Variants in MYO1H observed in about 807,000 individuals in gnomAD.
MYO1H encodes the protein myosin IH, also known as unconventional myosin-Ih.
In MYO1H, 118 loss-of-function variants were observed where a neutral mutation model predicts 149.3. That is an observed-to-expected ratio of 0.79 (90% CI 0.68 to 0.92). The LOEUF (loss-of-function observed/expected upper bound fraction) is 0.92, where lower values mean the gene tolerates loss of function less well. Ranked by LOEUF, MYO1H falls within the 40% of genes least tolerant of loss-of-function variation. MYO1H has a pLI of 0.00. For synonymous variants in MYO1H, 447 were observed against 465.2 expected, an observed-to-expected ratio of 0.96 and a Z score of 0.50; for missense variants, 1,212 against 1,280.7, an observed-to-expected ratio of 0.95 and a Z score of 0.82.
chr12:109,444,203 C>A lies in MYO1H; in HGVS notation c.2825-10C>A. 6.2e-7 allele frequency: 1 copy of A among 1,610,460 alleles called. No individual in the cohort carries two copies. The highest frequency in any genetic ancestry group is 8.5e-7 in the Non-Finnish European group (1 of 1,176,686). ...TAGTTCTTGGCTCCTAACTCTGGAT[C>A]TGTCTTAAGGTGTCTCCACTAGCAA... is the stretch of plus-strand genomic sequence containing the variant. On this transcript the variant is annotated splice_polypyrimidine_tract_variant and intron_variant, in intron 28 of 31. Coordinates refer to ENST00000310903, the Ensembl canonical transcript of MYO1H.
intron 1 of MYO1H, among the ~76,000 whole-genome samples, chr12:109,358,475 C>T (rs1868658808): frequency 6.6e-6 from 1 of 152,192 alleles, no homozygotes; most frequent in Non-Finnish European, 1.5e-5. Flanking sequence ...GGGCTTCTCA[C>T]CTACTTAGCT....
chr12:109,316,357 G>A, the MYO1H span, among the ~76,000 whole-genome samples: 1 of 152,128 alleles, frequency 6.6e-6, no homozygotes. Flanking sequence ...TGTGTGTTCG[G>A]ATCATGCTCC....
the MYO1H span, among the ~76,000 whole-genome samples, chr12:109,316,002 A>T: frequency 6.6e-6 from 1 of 152,200 alleles, no homozygotes; most frequent in Non-Finnish European, 1.5e-5. Context: ...TTGATTTCAA[A>T]TAAGTATATT....
intron 19 of MYO1H, among the ~76,000 whole-genome samples, chr12:109,427,893 A>T (rs1198378469): frequency 2.1e-5 from 1 of 48,456 alleles, no homozygotes; most frequent in African/African-American, 9.6e-5. Context: ...AAAAAAAAAA[A>T]AAAAAAAAAA....
chr12:109,332,124 C>T, the MYO1H span, among the ~76,000 whole-genome samples: 35 of 152,294 alleles, frequency 2.3e-4, no homozygotes, highest in Admixed American at 7.2e-4. Flanking sequence ...TGCTATCTAA[C>T]AGAGAGCAGT....
chr12:109,360,581 C>G (rs1197746192), intron 1 of MYO1H, among the ~76,000 whole-genome samples: 2 of 152,126 alleles, frequency 1.3e-5, no homozygotes, highest in Non-Finnish European at 2.9e-5. Flanking sequence ...AAGCATCTGC[C>G]TTCATGAGGG....
Position 109,415,536 on chromosome 12 carries a change from G to A in MYO1H, c.1513G>A (p.Ala505Thr), listed in dbSNP as rs1161703044. 3.7e-6 allele frequency: 6 copies of A among 1,605,518 alleles called. No individual in the cohort carries two copies. In the East Asian group the frequency reaches 1.3e-4, roughly 36 times the overall value. Reference sequence around the variant, plus strand: ...ATTTCTGTCTCGTAGCCGTAAGCTGGCTGGTCCAAAGGGCCGAAAGAGGAT... The same window carrying A: ...ATTTCTGTCTCGTAGCCGTAAGCTGACTGGTCCAAAGGGCCGAAAGAGGAT... Residue 505 changes from alanine (A) to threonine (T), a missense_variant, in exon 15 of 32, where the codon GCT becomes ACT. Transcript: ENST00000310903.
intron 15 of MYO1H, among the ~76,000 whole-genome samples, chr12:109,416,022 A>C (rs1870893573): frequency 6.6e-6 from 1 of 151,802 alleles, no homozygotes; most frequent in African/African-American, 2.4e-5. Flanking sequence ...AGCTCACTGC[A>C]ACCTCCGCCT....
chr12:109,344,568 C>T (rs187233688), upstream of MYO1H, among the ~76,000 whole-genome samples: 185 of 152,230 alleles, frequency 1.2e-3, 4 homozygotes, highest in Admixed American at 0.012. Context: ...CCCAAATTGA[C>T]CTACATATTC....
intron 1 of MYO1H, among the ~76,000 whole-genome samples, chr12:109,349,817 C>T (rs984785343): frequency 2.6e-5 from 4 of 151,158 alleles, no homozygotes; most frequent in South Asian, 2.1e-4. Flanking sequence ...AAAAATTAGC[C>T]GGGCGTGGTA....
chr12:109,413,061 C>G (rs993474939), intron 14 of MYO1H, among the ~76,000 whole-genome samples: 3 of 152,082 alleles, frequency 2.0e-5, no homozygotes, highest in African/African-American at 7.2e-5. Context: ...ACTGCAACCT[C>G]CACCTCCCGG....
chr12:109,355,343 T>C (rs2136999143), intron 1 of MYO1H, among the ~76,000 whole-genome samples: 2 of 152,308 alleles, frequency 1.3e-5, no homozygotes, highest in Middle Eastern at 6.8e-3. Flanking sequence ...CTGGGTCATA[T>C]TCACACCCAT....
intron 6 of MYO1H, 121 bp from the exon 7 acceptor site, chr12:109,403,861 A>G (rs1282635206): frequency 1.6e-6 from 1 of 610,430 alleles, no homozygotes. Flanking sequence ...AGTAAAACCT[A>G]TTTTTGATTC....
chr12:109,373,220 G>T (rs1869023571), intron 1 of MYO1H, among the ~76,000 whole-genome samples: 2 of 151,960 alleles, frequency 1.3e-5, no homozygotes, highest in East Asian at 3.9e-4. Flanking sequence ...TTATCTAATT[G>T]CATTGGCCAG....
At chr12:109,320,300 C>T in the MYO1H span, among the ~76,000 whole-genome samples, 10 of 151,760 alleles carry the variant, frequency 6.6e-5, no homozygotes, top group Non-Finnish European at 1.3e-4. Flanking sequence ...GGTGACAGAG[C>T]AAGACCCTGT....
At chr12:109,376,128 A>G (rs1264999051) in intron 1 of MYO1H, among the ~76,000 whole-genome samples, 3 of 150,872 alleles carry the variant, frequency 2.0e-5, no homozygotes, top group African/African-American at 7.5e-5. Context: ...TTCATACACC[A>G]TACAATTTAG....
chr12:109,406,519 A>T (rs1038217145), intron 8 of MYO1H, among the ~76,000 whole-genome samples: 3 of 148,858 alleles, frequency 2.0e-5, no homozygotes, highest in African/African-American at 7.4e-5. Flanking sequence ...GAATGGTGGC[A>T]CACACCTGTA....
intron 10 of MYO1H, among the ~76,000 whole-genome samples, chr12:109,409,243 CTTCTTTTTTTTTTT>C (rs1382127636): frequency 1.5e-4 from 9 of 59,070 alleles, no homozygotes; most frequent in African/African-American, 4.6e-4. Flanking sequence ...TCTTCTTCTT[CTTCTTTTTTTTTTT>C]TTTTTTTTTT....
At chr12:109,345,348 G>A (rs1043037217), upstream of MYO1H, among the ~76,000 whole-genome samples, 5 of 152,168 alleles carry the variant, frequency 3.3e-5, no homozygotes, top group African/African-American at 9.7e-5. Context: ...AAATACACAT[G>A]AAAAGATGCT....
Sources: gnomAD v4.1 joint callset for allele counts (sites outside exome capture counted in the v4.1 genomes callset) on GRCh38, gnomAD v4.1.1 for gene constraint, MANE v1.5 for transcripts, NCBI Gene and HGNC (gene_info 2026-07-23, HGNC 2026-07-21) for gene names.